Variants in SIGLECL1 observed in about 807,000 individuals in gnomAD.
SIGLECL1 encodes SIGLEC family-like protein 1.
A neutral mutation model predicts 19.1 loss-of-function variants in SIGLECL1; 16 were observed. The observed-to-expected ratio is 0.84, with a 90% CI of 0.57 to 1.27. The LOEUF is 1.27. Among genes scored for constraint, SIGLECL1 ranks in the 50% most tolerant of loss-of-function variants. The pLI is 0.00. For synonymous variants in SIGLECL1, 89 were observed against 90.4 expected, an observed-to-expected ratio of 0.98 and a Z score of 0.09; for missense variants, 210 against 239.4, an observed-to-expected ratio of 0.88 and a Z score of 0.81.
intron 1 of SIGLECL1, among the ~76,000 whole-genome samples, chr19:51,259,425 T>C (rs1983045903): frequency 6.6e-6 from 1 of 152,184 alleles, no homozygotes; most frequent in Non-Finnish European, 1.5e-5. Flanking sequence ...CCAATAAGAT[T>C]GCCCAAGCCC....
chr19:51,250,060 G>A (rs1383097190), upstream of SIGLECL1, among the ~76,000 whole-genome samples: 1 of 151,062 alleles, frequency 6.6e-6, no homozygotes, highest in Non-Finnish European at 1.5e-5. Flanking sequence ...TGTCATCTTG[G>A]TTTTGGTGGG....
chr19:51,264,094 GGTAA>G lies in SIGLECL1; in HGVS notation c.22+6_22+9del, dbSNP rs761373555. The G allele has an allele frequency of 3.7e-5, 60 of 1,613,886 alleles. No homozygotes were observed. In the Middle Eastern group the frequency reaches 9.9e-4, roughly 27 times the overall value. ...AGTGATGCTTCCACTGCTACAGCTG[GGTAA>G]GTAAGGTGAGAAGCAGCACTGGAGG... On this transcript the variant is annotated splice_donor_variant and splice_donor_region_variant and intron_variant, in intron 2 of 5. Transcript: ENST00000601727. LOFTEE classifies it high-confidence loss of function.
At chr19:51,254,335 A>C (rs1426277547) in intron 1 of SIGLECL1, among the ~76,000 whole-genome samples, 1 of 151,922 alleles carries the variant, frequency 6.6e-6, no homozygotes, top group Admixed American at 6.6e-5. Flanking sequence ...TCTCTTTAAA[A>C]AAAAAAAAAA....
At chr19:51,262,779 T>C (rs1014796950) in intron 1 of SIGLECL1, among the ~76,000 whole-genome samples, 3 of 152,226 alleles carry the variant, frequency 2.0e-5, no homozygotes, top group Non-Finnish European at 4.4e-5. Flanking sequence ...CTAAACCAAG[T>C]GATCACATAT....
At chr19:51,265,260 C>G (rs560947428) in intron 2 of SIGLECL1, 108 bp from the exon 3 acceptor site, 7 of 1,288,338 alleles carry the variant, frequency 5.4e-6, no homozygotes, top group Admixed American at 2.2e-5. Flanking sequence ...CCAGAAAGTC[C>G]TTCTGAAGCT....
At chr19:51,246,413 A>T (rs1297708934), upstream of SIGLECL1, 1 of 152,146 alleles carries the variant, frequency 6.6e-6, no homozygotes, top group Non-Finnish European at 1.5e-5. Flanking sequence ...ATGGCCTCCT[A>T]ACCTTACTTA....
chr19:51,258,714 T>C (rs1299298851), intron 1 of SIGLECL1, among the ~76,000 whole-genome samples: 2 of 151,620 alleles, frequency 1.3e-5, no homozygotes, highest in Admixed American at 6.6e-5. Context: ...CACCAGAGAG[T>C]GAGAAAAGAC....
At chr19:51,265,275 G>A in intron 2 of SIGLECL1, 93 bp from the exon 3 acceptor site, 4 of 1,404,112 alleles carry the variant, frequency 2.8e-6, no homozygotes, top group Non-Finnish European at 3.9e-6. Flanking sequence ...GAAGCTCCTT[G>A]TGAATAGCAA....
At chr19:51,248,974 A>C (rs1982351702), upstream of SIGLECL1, among the ~76,000 whole-genome samples, 1 of 152,176 alleles carries the variant, frequency 6.6e-6, no homozygotes, top group African/African-American at 2.4e-5. Context: ...CTTCCCAGTT[A>C]GTTATTTTGA....
chr19:51,250,870 C>T (rs890831063), upstream of SIGLECL1, among the ~76,000 whole-genome samples: 1 of 152,226 alleles, frequency 6.6e-6, no homozygotes, highest in African/African-American at 2.4e-5. Flanking sequence ...CAGGGGCACA[C>T]GCCTGTGGGC....
At position 51,251,426 on chromosome 19, in the gene SIGLECL1, C is replaced by CA. The variant is rs1384562541; in HGVS notation, c.-309dup. On this transcript the variant is annotated 5_prime_UTR_variant, in exon 1 of 6. Coordinates refer to ENST00000601727, the MANE Select transcript of SIGLECL1 (RefSeq NM_001385465.1). ...CAGACAGAGGCTAAATCTGAACAGT[C>CA]AGGCGGTGAGATTAAGCATAGTCAG... is the stretch of plus-strand genomic sequence containing the variant. 6.5e-6 allele frequency: 1 copy of CA among 152,964 alleles called. No individual in the cohort carries two copies. The highest frequency in any genetic ancestry group is 1.5e-5 in the Non-Finnish European group (1 of 68,112). 9.5% of individuals were successfully genotyped at this position (152,964 alleles called of 1,614,324 possible).
upstream of SIGLECL1, among the ~76,000 whole-genome samples, chr19:51,250,700 G>A (rs903648439): frequency 1.3e-5 from 2 of 152,238 alleles, no homozygotes; most frequent in African/African-American, 4.8e-5. Flanking sequence ...GCACGGGCTG[G>A]AAAGGCCTTG....
At chr19:51,256,968 T>C (rs1982848420) in intron 1 of SIGLECL1, among the ~76,000 whole-genome samples, 1 of 152,164 alleles carries the variant, frequency 6.6e-6, no homozygotes, top group Non-Finnish European at 1.5e-5. Flanking sequence ...TATGAATATG[T>C]AGATACATAT....
chr19:51,264,054 A>T lies in SIGLECL1; in HGVS notation c.-19A>T. ...TAAAGAGCTTCTGCTGTTCCTGAGAACTGTTGCTGCTGGAAGTGATGCTTC... is the reference window on the plus strand; with the variant it reads ...TAAAGAGCTTCTGCTGTTCCTGAGATCTGTTGCTGCTGGAAGTGATGCTTC... On this transcript the variant is annotated 5_prime_UTR_variant, in exon 2 of 6. Transcript: ENST00000601727. 2 of 1,613,772 alleles carry T rather than the reference A, an allele frequency of 1.2e-6. No homozygotes were observed. The highest frequency in any genetic ancestry group is 1.7e-6 in the Non-Finnish European group (2 of 1,179,860).
upstream of SIGLECL1, among the ~76,000 whole-genome samples, chr19:51,249,616 C>G (rs1024002411): frequency 1.3e-5 from 2 of 152,070 alleles, no homozygotes; most frequent in Admixed American, 1.3e-4. Context: ...TCCCATGTAC[C>G]ATAAAACAAA....
intron 5 of SIGLECL1, among the ~76,000 whole-genome samples, chr19:51,268,089 G>A (rs1482673884): frequency 6.6e-6 from 1 of 152,216 alleles, no homozygotes; most frequent in Non-Finnish European, 1.5e-5. Flanking sequence ...TGCATGAACA[G>A]TTGGTGTCCT....
upstream of SIGLECL1, among the ~76,000 whole-genome samples, chr19:51,250,554 C>G (rs1982421812): frequency 6.6e-6 from 1 of 152,212 alleles, no homozygotes; most frequent in African/African-American, 2.4e-5. Context: ...CGGAGTTGCT[C>G]TGGCTCAAAT....
In SIGLECL1 at chr19:51,267,504, CCA is replaced by C. The variant is rs1983769499; in HGVS notation, c.545_546del (p.Thr182IlefsTer3). 1 of 1,614,162 alleles carries C rather than the reference CCA, an allele frequency of 6.2e-7. No homozygotes were observed. Among genetic ancestry groups the C allele is most frequent in the Non-Finnish European group, 8.5e-7 (1 of 1,180,034 alleles). ...GAGGAACCAGGAAAACCCGTAGTCG[CCA>C]CATTTTCTGAGAGCCGGATATTGGT... On this transcript the variant is annotated frameshift_variant, in exon 5 of 6. Transcript: ENST00000601727. LOFTEE classifies it low-confidence loss of function (END_TRUNC).
intron 1 of SIGLECL1, among the ~76,000 whole-genome samples, chr19:51,252,503 G>C (rs2123378466): frequency 6.6e-6 from 1 of 152,210 alleles, no homozygotes; most frequent in African/African-American, 2.4e-5. Flanking sequence ...CAGTTATTCA[G>C]TGCTTTACTG....
Sources: allele counts gnomAD v4.1 joint callset (sites outside exome capture counted in the v4.1 genomes callset), GRCh38; gene constraint gnomAD v4.1.1; transcripts MANE v1.5; gene names NCBI Gene and HGNC (gene_info 2026-07-23, HGNC 2026-07-21).